The following CDK15 variants were observed in gnomAD, a reference collection of about 807,000 sequenced individuals.
CDK15 encodes the protein cyclin dependent kinase 15, also known as cyclin-dependent kinase 15.
In CDK15, 62 loss-of-function variants were observed where a neutral mutation model predicts 60.3. The observed-to-expected ratio is 1.03, with a 90% CI of 0.84 to 1.27. CDK15 has a LOEUF of 1.27. Among genes scored for constraint, CDK15 ranks in the 50% most tolerant of loss-of-function variants. CDK15 has a pLI of 0.00. For synonymous variants in CDK15, 194 were observed against 195.7 expected, an observed-to-expected ratio of 0.99 and a Z score of 0.07; for missense variants, 541 against 527.8, an observed-to-expected ratio of 1.03 and a Z score of -0.25.
In CDK15 at chr2:201,823,218, T is replaced by C. The variant is rs895676355; in HGVS notation, c.543+315T>C. 6.6e-5 allele frequency among the ~76,000 whole-genome samples: 10 copies of C among 152,194 alleles called. 1 individual carries two copies. ...ATCACTATCTGAGCAGAATCCAACATTTTTTCATTGACAATAAAGGTAAAA... is the reference window on the plus strand; with the variant it reads ...ATCACTATCTGAGCAGAATCCAACACTTTTTCATTGACAATAAAGGTAAAA... On this transcript the variant is annotated intron_variant, in intron 5 of 13. Coordinates refer to ENST00000652192, the MANE Select transcript of CDK15 (RefSeq NM_001366386.2).
chr2:201,864,900 G>A (rs1386884272), intron 10 of CDK15, among the ~76,000 whole-genome samples: 2 of 152,164 alleles, frequency 1.3e-5, no homozygotes, highest in Admixed American at 1.3e-4. Context: ...GCTTAAATCG[G>A]TATTTAAAGC....
intron 2 of CDK15, 54 bp downstream of exon 2, chr2:201,807,697 G>C: frequency 6.2e-7 from 1 of 1,606,418 alleles, no homozygotes; most frequent in Non-Finnish European, 8.5e-7. Flanking sequence ...CTTGTCTACG[G>C]AGGCCGGCCC....
rs1305586051 is a variant in CDK15, at chr2:201,837,496, AAGGAAG to A, written c.851+1734_851+1739del. ...GAAGGAAGGAAGGAAGGAAGGAAGG[AAGGAAG>A]GAAGGAAGGAAAGAAGGAAAGAATC... On this transcript the variant is annotated intron_variant, in intron 8 of 13. Transcript: ENST00000652192. Among the ~76,000 whole-genome samples the A allele has an allele frequency of 1.2e-3, 178 of 146,444 alleles. 2 individuals carry two copies. Among genetic ancestry groups the A allele is most frequent in the African/African-American group, 4.3e-3 (170 of 39,590 alleles).
intron 12 of CDK15, among the ~76,000 whole-genome samples, chr2:201,890,202 G>A (rs1699597210): frequency 6.6e-6 from 1 of 151,954 alleles, no homozygotes; most frequent in Admixed American, 6.6e-5. Context: ...CATGATATTA[G>A]TTCCCTTCAC....
At chr2:201,819,262 T>C (rs893641833) in intron 4 of CDK15, among the ~76,000 whole-genome samples, 1 of 151,894 alleles carries the variant, frequency 6.6e-6, no homozygotes, top group African/African-American at 2.4e-5. Flanking sequence ...TGAGGGAGGA[T>C]GAAGGCAGAG....
chr2:201,825,629 T>G (rs1696446216), intron 6 of CDK15, among the ~76,000 whole-genome samples: 1 of 152,212 alleles, frequency 6.6e-6, no homozygotes, highest in Non-Finnish European at 1.5e-5. Flanking sequence ...CATTACATTA[T>G]CTGCACCATC....
intron 4 of CDK15, among the ~76,000 whole-genome samples, chr2:201,818,013 T>A (rs4673210): frequency 0.94 from 143,829 of 152,326 alleles, 68,072 homozygotes; most frequent in East Asian, 1. Context: ...AACAACAGGG[T>A]CTAGAAACAC....
At chr2:201,846,910 A>G (rs1268966389) in intron 8 of CDK15, among the ~76,000 whole-genome samples, 1 of 152,212 alleles carries the variant, frequency 6.6e-6, no homozygotes, top group Non-Finnish European at 1.5e-5. Context: ...TGAGAAAATA[A>G]TCTCTATTTA....
intron 8 of CDK15, among the ~76,000 whole-genome samples, chr2:201,845,993 C>T (rs887218851): frequency 2.0e-5 from 3 of 152,012 alleles, no homozygotes; most frequent in African/African-American, 7.2e-5. Flanking sequence ...TTACTCCTTC[C>T]TGTCCCTCTC....
chr2:201,824,591 T>C, intron 6 of CDK15: 1 of 317,008 alleles, frequency 3.2e-6, no homozygotes, highest in Non-Finnish European at 6.0e-6. Flanking sequence ...ATATACAGCC[T>C]TAAAATAGAA....
chr2:201,820,265 C>G (rs533487453), intron 4 of CDK15, among the ~76,000 whole-genome samples: 11 of 152,146 alleles, frequency 7.2e-5, no homozygotes, highest in African/African-American at 2.7e-4. Flanking sequence ...GCATTCTCAA[C>G]TGATGGTCAG....
intron 2 of CDK15, 54 bp from the exon 3 acceptor site, chr2:201,807,804 T>C (rs774553691): frequency 4.5e-6 from 7 of 1,563,276 alleles, no homozygotes; most frequent in South Asian, 1.2e-5. Context: ...TAAAAAAAAG[T>C]GTTCTTTCTC....
At chr2:201,808,558 A>G (rs1161392867) in intron 3 of CDK15, 14 of 151,124 alleles carry the variant, frequency 9.3e-5, no homozygotes, top group Admixed American at 9.2e-4. Context: ...TATATGTAAA[A>G]GATCCATGAA....
At chr2:201,881,302 T>C (rs1472069592) in intron 12 of CDK15, among the ~76,000 whole-genome samples, 1 of 152,188 alleles carries the variant, frequency 6.6e-6, no homozygotes, top group Admixed American at 6.5e-5. Flanking sequence ...AAAATAACCA[T>C]AATCATACAA....
chr2:201,891,682 C>T (rs182447200), intron 13 of CDK15, among the ~76,000 whole-genome samples: 5 of 152,184 alleles, frequency 3.3e-5, no homozygotes, highest in South Asian at 2.1e-4. Flanking sequence ...CAAAAGTCAC[C>T]GTAGTATAGA....
intron 8 of CDK15, among the ~76,000 whole-genome samples, chr2:201,840,230 C>T (rs1230519514): frequency 1.3e-5 from 2 of 152,150 alleles, no homozygotes; most frequent in Non-Finnish European, 1.5e-5. Flanking sequence ...GGTGATCAGC[C>T]TCCCAAAGTG....
chr2:201,853,732 A>T (rs200967664), intron 9 of CDK15, among the ~76,000 whole-genome samples: 2 of 62 alleles, frequency 0.032, no homozygotes, highest in African/African-American at 0.091. Flanking sequence ...ATTATTCTTT[A>T]AAAAAAAAAA....
chr2:201,808,742 G>T (rs930294228), intron 3 of CDK15: 1 of 152,252 alleles, frequency 6.6e-6, no homozygotes, highest in Non-Finnish European at 1.5e-5. Context: ...AGATTTCTTT[G>T]TTCCTTCTCC....
At chr2:201,873,605 T>C (rs1698947890) in intron 11 of CDK15, among the ~76,000 whole-genome samples, 1 of 152,358 alleles carries the variant, frequency 6.6e-6, no homozygotes. Flanking sequence ...AGCCTTTCTT[T>C]CGAGGGCTGA....
Sources: gnomAD v4.1 joint callset for allele counts (sites outside exome capture counted in the v4.1 genomes callset) on GRCh38, gnomAD v4.1.1 for gene constraint, MANE v1.5 for transcripts, NCBI Gene and HGNC (gene_info 2026-07-23, HGNC 2026-07-21) for gene names.